Variants in ATP9B observed in about 807,000 individuals in gnomAD.
The protein encoded by ATP9B is ATPase phospholipid transporting 9B.
ATP9B carries 110 observed loss-of-function variants against 146.1 expected under a neutral mutation model. The observed-to-expected ratio is 0.75, with a 90% CI of 0.65 to 0.88. ATP9B has a LOEUF of 0.88. Ranked by LOEUF, ATP9B falls within the 40% of genes least tolerant of loss-of-function variation. The probability of loss-of-function intolerance (pLI) is 0.00; values close to 1 mark genes in which losing one functional copy is unlikely to be tolerated. For missense variants in ATP9B, 1,499 were observed against 1,496.4 expected (o/e 1.00, Z -0.03); for synonymous variants, 604 against 569.7 (o/e 1.06, Z -0.86).
At chr18:79,201,574 A>G (rs1050480916) in intron 9 of ATP9B, among the ~76,000 whole-genome samples, 1 of 151,940 alleles carries the variant, frequency 6.6e-6, no homozygotes, top group Non-Finnish European at 1.5e-5. Context: ...GACCTAATTT[A>G]CTTCTTTATT....
chr18:79,280,862 T>C (rs574268193), intron 13 of ATP9B, among the ~76,000 whole-genome samples: 2 of 152,336 alleles, frequency 1.3e-5, no homozygotes, highest in South Asian at 4.1e-4. Context: ...GAAATTGAAG[T>C]ATATACTTTT....
intron 8 of ATP9B, among the ~76,000 whole-genome samples, chr18:79,190,904 A>T (rs1190916419): frequency 6.8e-6 from 1 of 148,008 alleles, no homozygotes. Context: ...GGTTTTTTTT[A>T]AATATTTACT....
intron 14 of ATP9B, 33 bp downstream of exon 14, chr18:79,303,749 C>T: frequency 6.6e-7 from 1 of 1,504,338 alleles, no homozygotes; most frequent in Non-Finnish European, 9.2e-7. Flanking sequence ...GGGTCTGCTT[C>T]CACACACATC....
At position 79,351,176 on chromosome 18, in the gene ATP9B, C is replaced by T. The variant is rs143566489; in HGVS notation, c.2903+2980C>T. On this transcript the variant is annotated intron_variant, in intron 25 of 29. Transcript: ENST00000426216. ...AGTCATAGAAAAGCATAACCCTTCTCACCTTCTTTCATATTTTAAAAATCA... is the reference window on the plus strand; with the variant it reads ...AGTCATAGAAAAGCATAACCCTTCTTACCTTCTTTCATATTTTAAAAATCA... Among the ~76,000 whole-genome samples the T allele has an allele frequency of 1.2e-3, 177 of 152,334 alleles. 2 individuals are homozygous for T. Among genetic ancestry groups the T allele is most frequent in the African/African-American group, 4.0e-3 (168 of 41,580 alleles).
Position 79,378,000 on chromosome 18 carries a change from G to C in ATP9B, c.*617G>C, listed in dbSNP as rs185542802. 6.5e-6 allele frequency: 1 copy of C among 152,870 alleles called. No individual in the cohort carries two copies. The highest frequency in any genetic ancestry group is 6.5e-5 in the Admixed American group (1 of 15,420). 9.5% of individuals were successfully genotyped at this position (152,870 alleles called of 1,614,324 possible). ...GAGCCCGAATTATTTCACTATTACT[G>C]TAAAGGGTTCATCTTACTCTGGCAT... On this transcript the variant is annotated 3_prime_UTR_variant, in exon 30 of 30. Transcript: ENST00000426216.
intron 15 of ATP9B, among the ~76,000 whole-genome samples, chr18:79,311,607 A>C (rs1054423168): frequency 6.6e-6 from 1 of 152,244 alleles, no homozygotes; most frequent in Non-Finnish European, 1.5e-5. Flanking sequence ...TCTAACCAAA[A>C]TATACTAATT....
rs150506037 is a variant in ATP9B, at chr18:79,198,975, A to G, written c.954+5712A>G. Among the ~76,000 whole-genome samples, 919 of 151,668 alleles carry G rather than the reference A, an allele frequency of 6.1e-3. 8 individuals carry two copies. The highest frequency in any genetic ancestry group is 9.5e-3 in the Non-Finnish European group (644 of 67,906). ...TATAACTTTAATTTTTTTTTTTGAG[A>G]CAGTCTCACTCTGTTGCCCAGGATG... On this transcript the variant is annotated intron_variant, in intron 9 of 29. Transcript: ENST00000426216.
At chr18:79,337,876 C>T (rs1175153829) in intron 19 of ATP9B, among the ~76,000 whole-genome samples, 1 of 152,238 alleles carries the variant, frequency 6.6e-6, no homozygotes, top group African/African-American at 2.4e-5. Context: ...TTGCCCCCAG[C>T]CTGTCACAAC....
At chr18:79,128,291 C>T (rs962504255) in intron 5 of ATP9B, among the ~76,000 whole-genome samples, 74 of 152,270 alleles carry the variant, frequency 4.9e-4, no homozygotes, top group African/African-American at 1.7e-3. Flanking sequence ...AACTCCTGAC[C>T]TCGTGATCCA....
chr18:79,319,456 T>C (rs2096702911), intron 15 of ATP9B, among the ~76,000 whole-genome samples: 1 of 151,602 alleles, frequency 6.6e-6, no homozygotes, highest in Admixed American at 6.6e-5. Flanking sequence ...ACTGAACAGT[T>C]CCATAGGGGC....
chr18:79,331,473 CA>C (rs1330869716), intron 17 of ATP9B, among the ~76,000 whole-genome samples: 2 of 152,132 alleles, frequency 1.3e-5, no homozygotes, highest in African/African-American at 4.8e-5. Context: ...ATGTTTTTCA[CA>C]AAGATAACTT....
chr18:79,071,657 A>G (rs1358100126), intron 1 of ATP9B, among the ~76,000 whole-genome samples: 1 of 151,960 alleles, frequency 6.6e-6, no homozygotes, highest in Non-Finnish European at 1.5e-5. Context: ...GGCGTGAGCC[A>G]TGGCTGCTAG....
At chr18:79,107,541 A>T (rs1359224939) in intron 2 of ATP9B, among the ~76,000 whole-genome samples, 1 of 152,098 alleles carries the variant, frequency 6.6e-6, no homozygotes, top group East Asian at 1.9e-4. Context: ...CATTGTGCTG[A>T]GCCTTCGTAG....
intron 29 of ATP9B, 77 bp from the exon 30 acceptor site, chr18:79,377,170 C>G: frequency 6.4e-7 from 1 of 1,561,232 alleles, no homozygotes; most frequent in Non-Finnish European, 8.7e-7. Flanking sequence ...GTGGCCTGGC[C>G]AGGTCTGTGG....
intron 19 of ATP9B, among the ~76,000 whole-genome samples, chr18:79,339,215 G>A (rs914327736): frequency 2.6e-5 from 4 of 152,114 alleles, no homozygotes; most frequent in Non-Finnish European, 5.9e-5. Flanking sequence ...ATCCATCTGA[G>A]ATCACAGTAG....
At chr18:79,123,758 A>T (rs2094230479) in intron 4 of ATP9B, among the ~76,000 whole-genome samples, 1 of 152,194 alleles carries the variant, frequency 6.6e-6, no homozygotes, top group Admixed American at 6.5e-5. Flanking sequence ...CCAGAAATAA[A>T]CCTTTAAATT....
At chr18:79,370,105 A>C (rs1341133112) in intron 26 of ATP9B, among the ~76,000 whole-genome samples, 1 of 152,254 alleles carries the variant, frequency 6.6e-6, no homozygotes, top group East Asian at 1.9e-4. Flanking sequence ...TCTCAAAAAA[A>C]TGAAAATAAA....
chr18:79,361,572 T>TGAA (rs2096989088), intron 26 of ATP9B: 3 of 163,740 alleles, frequency 1.8e-5, no homozygotes, highest in African/African-American at 7.2e-5. Context: ...CTAAGCTTCT[T>TGAA]TTCTTCAACA....
intron 8 of ATP9B, among the ~76,000 whole-genome samples, chr18:79,191,949 G>A (rs1226914205): frequency 6.6e-6 from 1 of 152,134 alleles, no homozygotes; most frequent in East Asian, 1.9e-4. Context: ...AAGAGTACTG[G>A]TTTTTTGTTT....
Sources: gnomAD v4.1 joint callset for allele counts (sites outside exome capture counted in the v4.1 genomes callset) on GRCh38, gnomAD v4.1.1 for gene constraint, MANE v1.5 for transcripts, NCBI Gene and HGNC (gene_info 2026-07-23, HGNC 2026-07-21) for gene names.